The following GLRB variants were observed in gnomAD, a reference collection of about 807,000 sequenced individuals.
GLRB encodes the protein glycine receptor subunit beta.
In GLRB, 33 loss-of-function variants were observed where a neutral mutation model predicts 54.2. That is an observed-to-expected ratio of 0.61 (90% CI 0.46 to 0.81). The LOEUF is 0.81. Ranked by LOEUF, GLRB falls within the 40% of genes least tolerant of loss-of-function variation. GLRB has a pLI of 0.00. For synonymous variants in GLRB, 209 were observed against 208.2 expected (o/e 1.00, Z -0.03); for missense variants, 572 against 584.6 (o/e 0.98, Z 0.22).
rs543772982 is a variant in GLRB at position 157,078,522 on chromosome 4, C to A, written c.122+376C>A. ...TCAAAAAGTTTTTTTTTAAAAAAAC[C>A]CTAAAATATTTAATAATATTTTATT... On this transcript the variant is annotated intron_variant, in intron 2 of 9. Transcript: ENST00000264428. 2.5e-3 allele frequency among the ~76,000 whole-genome samples: 379 copies of A among 150,816 alleles called. 5 individuals carry two copies. The highest frequency in any genetic ancestry group is 0.011 in the South Asian group (52 of 4,768).
chr4:157,150,409 G>A (rs997129628), intron 8 of GLRB, among the ~76,000 whole-genome samples: 2 of 151,872 alleles, frequency 1.3e-5, no homozygotes, highest in African/African-American at 4.8e-5. Context: ...CGAATGTGTG[G>A]AATTATGAAT....
chr4:157,117,515 G>A (rs143080229), intron 2 of GLRB, among the ~76,000 whole-genome samples: 7 of 151,574 alleles, frequency 4.6e-5, no homozygotes, highest in African/African-American at 1.2e-4. Context: ...TATTCATTCC[G>A]CACCAGACTA....
intron 4 of GLRB, among the ~76,000 whole-genome samples, chr4:157,133,315 T>C (rs1736284030): frequency 6.6e-6 from 1 of 151,898 alleles, no homozygotes; most frequent in Non-Finnish European, 1.5e-5. Context: ...AATTTGAGGC[T>C]CAGAGAAGTT....
intron 3 of GLRB, among the ~76,000 whole-genome samples, 198 bp from the exon 4 acceptor site, chr4:157,122,132 C>G (rs548752007): frequency 3.3e-5 from 5 of 149,558 alleles, no homozygotes; most frequent in South Asian, 2.1e-4. Context: ...GAACTCATTG[C>G]TTTATTTGTA....
chr4:157,134,804 T>A (rs149027725), intron 4 of GLRB, among the ~76,000 whole-genome samples: 1 of 152,106 alleles, frequency 6.6e-6, no homozygotes, highest in Non-Finnish European at 1.5e-5. Context: ...AAGAACTGAA[T>A]GTGTAGGAGA....
chr4:157,099,872 T>A (rs7674507), intron 2 of GLRB, among the ~76,000 whole-genome samples: 66,530 of 151,980 alleles, frequency 0.44, 16,781 homozygotes, highest in African/African-American at 0.7. Context: ...GAGTATAATG[T>A]TATCTCAGTG....
At chr4:157,154,531 G>A (rs1044848009) in intron 9 of GLRB, among the ~76,000 whole-genome samples, 2 of 145,192 alleles carry the variant, frequency 1.4e-5, no homozygotes, top group Non-Finnish European at 3.0e-5. Context: ...AGGTTCAAAC[G>A]ATTCTCCTGC....
chr4:157,083,054 A>G (rs1734283177), intron 2 of GLRB, among the ~76,000 whole-genome samples: 1 of 151,070 alleles, frequency 6.6e-6, no homozygotes, highest in African/African-American at 2.4e-5. Flanking sequence ...TTCTTAACAT[A>G]AAATTAGTAA....
intron 2 of GLRB, among the ~76,000 whole-genome samples, chr4:157,115,875 A>T (rs981269035): frequency 5.9e-5 from 9 of 151,800 alleles, no homozygotes; most frequent in Non-Finnish European, 1.0e-4. Flanking sequence ...CCCCACACTT[A>T]CTACATTCAG....
chr4:157,155,690 T>C (rs78291959), intron 9 of GLRB, among the ~76,000 whole-genome samples: 7,154 of 152,256 alleles, frequency 0.047, 181 homozygotes, highest in African/African-American at 0.056. Context: ...GTGTCACTTA[T>C]CTCTGGATGC....
intron 3 of GLRB, among the ~76,000 whole-genome samples, chr4:157,121,032 G>A (rs186130030): frequency 6.6e-6 from 1 of 151,690 alleles, no homozygotes; most frequent in Non-Finnish European, 1.5e-5. Context: ...GTTATAATTT[G>A]CAGAATGATG....
chr4:157,144,933 A>G (rs765442617), intron 8 of GLRB, among the ~76,000 whole-genome samples: 26 of 152,194 alleles, frequency 1.7e-4, no homozygotes, highest in Non-Finnish European at 3.5e-4. Context: ...ACACAGACCA[A>G]ATTTATAACC....
intron 2 of GLRB, among the ~76,000 whole-genome samples, chr4:157,093,096 T>C (rs1203546739): frequency 6.6e-6 from 1 of 152,186 alleles, no homozygotes; most frequent in Non-Finnish European, 1.5e-5. Flanking sequence ...CCTTTGAATA[T>C]CTTTGCCATT....
chr4:157,079,935 G>A (rs575629162), intron 2 of GLRB, among the ~76,000 whole-genome samples: 1 of 152,118 alleles, frequency 6.6e-6, no homozygotes, highest in Non-Finnish European at 1.5e-5. Flanking sequence ...TTGGGTTTCT[G>A]TATCTGAGCA....
chr4:157,081,744 C>T (rs6852066), intron 2 of GLRB, among the ~76,000 whole-genome samples: 38,226 of 152,082 alleles, frequency 0.25, 5,260 homozygotes, highest in East Asian at 0.42. Context: ...GCATCTTATC[C>T]TCCTCCATTA....
chr4:157,118,411 G>A (rs533467887), intron 2 of GLRB, among the ~76,000 whole-genome samples: 1 of 151,598 alleles, frequency 6.6e-6, no homozygotes, highest in South Asian at 2.1e-4. Flanking sequence ...TCCATCTTTT[G>A]TTAAAGGATG....
intron 8 of GLRB, among the ~76,000 whole-genome samples, chr4:157,144,902 T>C (rs1736751194): frequency 6.6e-6 from 1 of 152,196 alleles, no homozygotes. Flanking sequence ...AAATTTGTTT[T>C]TTTTACATCT....
At chr4:157,104,866 C>A (rs1735163089) in intron 2 of GLRB, among the ~76,000 whole-genome samples, 1 of 151,872 alleles carries the variant, frequency 6.6e-6, no homozygotes, top group South Asian at 2.1e-4. Context: ...TAGTCTCTTA[C>A]AATCGTTTGT....
At chr4:157,163,853 T>TGTGTGTGTGTGTGTGTGTG (rs1560978896) in intron 9 of GLRB, among the ~76,000 whole-genome samples, 5 of 151,664 alleles carry the variant, frequency 3.3e-5, no homozygotes, top group African/African-American at 9.7e-5. Context: ...TGTGTGTGTG[T>TGTGTGTGTGTGTGTGTGTG]TTTAATATAA....
Sources: allele counts gnomAD v4.1 joint callset (sites outside exome capture counted in the v4.1 genomes callset), GRCh38; gene constraint gnomAD v4.1.1; transcripts MANE v1.5; gene names NCBI Gene and HGNC (gene_info 2026-07-23, HGNC 2026-07-21).